The following CUX1 variants were observed in gnomAD, a reference collection of about 807,000 sequenced individuals.
The protein encoded by CUX1 is cut like homeobox 1.
A neutral mutation model predicts 158.8 loss-of-function variants in CUX1; 31 were observed. That is an observed-to-expected ratio of 0.20 (90% CI 0.15 to 0.26). The LOEUF (loss-of-function observed/expected upper bound fraction) is 0.26, where lower values mean the gene tolerates loss of function less well. Among genes scored for constraint, CUX1 ranks in the 10% least tolerant of loss-of-function variants. The pLI, the probability that CUX1 is intolerant of heterozygous loss-of-function variation, is 1.00. For missense variants in CUX1, 1,589 were observed against 2,014.6 expected (o/e 0.79, Z 4.04); for synonymous variants, 879 against 862.1 (o/e 1.02, Z -0.34).
intron 3 of CUX1, among the ~76,000 whole-genome samples, chr7:102,043,323 CTGTGTGTGTGTGTGTGTGTGTGTG>C (rs57276921): frequency 7.2e-6 from 1 of 139,068 alleles, no homozygotes; most frequent in South Asian, 2.6e-4. Context: ...CATTAGCTCA[CTGTGTGTGTGTGTGTGTGTGTGTG>C]TGTGTGTGTG....
intron 20 of CUX1, among the ~76,000 whole-genome samples, chr7:102,226,450 G>T (rs1197753121): frequency 6.6e-6 from 1 of 152,082 alleles, no homozygotes; most frequent in African/African-American, 2.4e-5. Context: ...AAACAGCTGG[G>T]CATGGTGGTG....
At chr7:102,009,214 C>G (rs147536708) in intron 2 of CUX1, among the ~76,000 whole-genome samples, 1 of 152,160 alleles carries the variant, frequency 6.6e-6, no homozygotes, top group East Asian at 1.9e-4. Flanking sequence ...CCTATTTACA[C>G]GACAGGGATG....
At chr7:102,075,858 C>T (rs561693591) in intron 4 of CUX1, among the ~76,000 whole-genome samples, 39 of 152,254 alleles carry the variant, frequency 2.6e-4, no homozygotes, top group African/African-American at 8.4e-4. Flanking sequence ...TCGGAGTTGC[C>T]CAAACCAGCA....
intron 2 of CUX1, among the ~76,000 whole-genome samples, chr7:102,025,634 G>GAA (rs71517202): frequency 2.7e-5 from 4 of 148,796 alleles, no homozygotes; most frequent in Non-Finnish European, 3.0e-5. Flanking sequence ...TCTTAGGTGG[G>GAA]AAAAAAAAAA....
At chr7:102,014,102 A>G (rs531441936) in intron 2 of CUX1, among the ~76,000 whole-genome samples, 5 of 152,270 alleles carry the variant, frequency 3.3e-5, no homozygotes, top group African/African-American at 1.2e-4. Flanking sequence ...TGTATCCTTC[A>G]GGTCCAAGCA....
intron 2 of CUX1, among the ~76,000 whole-genome samples, chr7:102,005,641 C>G (rs1817261833): frequency 6.6e-6 from 1 of 152,158 alleles, no homozygotes; most frequent in Admixed American, 6.6e-5. Flanking sequence ...TGGCCTCTTT[C>G]TTCTTGAGGC....
chr7:102,022,335 C>G (rs989528873), intron 2 of CUX1, among the ~76,000 whole-genome samples: 4 of 151,946 alleles, frequency 2.6e-5, no homozygotes, highest in Non-Finnish European at 5.9e-5. Context: ...AATGGAAATA[C>G]GGCCAGACAC....
At chr7:102,111,573 G>A (rs1390090995) in intron 6 of CUX1, 125 bp from the exon 7 acceptor site, 3 of 807,802 alleles carry the variant, frequency 3.7e-6, no homozygotes, top group East Asian at 2.6e-5. Flanking sequence ...CGTTGCGGGC[G>A]ATACCCCGTG....
intron 2 of CUX1, among the ~76,000 whole-genome samples, chr7:101,957,115 T>C (rs1809875845): frequency 6.6e-6 from 1 of 152,232 alleles, no homozygotes; most frequent in Non-Finnish European, 1.5e-5. Flanking sequence ...TAACTGATAT[T>C]GTTTCCCAAG....
At chr7:101,880,071 G>A (rs917575005) in intron 1 of CUX1, among the ~76,000 whole-genome samples, 1 of 55,550 alleles carries the variant, frequency 1.8e-5, no homozygotes, top group Non-Finnish European at 3.6e-5. Flanking sequence ...TACAGGAAAA[G>A]GCTGATTTTT....
chr7:102,120,888 A>AC lies in CUX1; in HGVS notation c.674+5619dup, dbSNP rs1310334496. ...AGACCAGCCTGGGCAACATAGTGAG[A>AC]CCCCACCTCTACCAAAAAATACAAA... On this transcript the variant is annotated intron_variant, in intron 8 of 23. Transcript: ENST00000292535. Among the ~76,000 whole-genome samples the AC allele has an allele frequency of 3.3e-5, 5 of 152,150 alleles. No individual in the cohort carries two copies. The South Asian group carries it at 8.3e-4, about 25-fold the overall frequency.
intron 2 of CUX1, among the ~76,000 whole-genome samples, chr7:102,003,295 AAC>A (rs56760446): frequency 0.019 from 2,554 of 131,862 alleles, 57 homozygotes; most frequent in African/African-American, 0.059. Flanking sequence ...CCTGGTGCCG[AAC>A]ACACACACAC....
At chr7:101,930,374 C>T (rs1806151709) in intron 2 of CUX1, among the ~76,000 whole-genome samples, 1 of 152,132 alleles carries the variant, frequency 6.6e-6, no homozygotes, top group African/African-American at 2.4e-5. Flanking sequence ...TAAGCCAAAG[C>T]GTGGGAAAAT....
At chr7:101,945,453 A>G (rs1029524432) in intron 2 of CUX1, among the ~76,000 whole-genome samples, 2 of 152,102 alleles carry the variant, frequency 1.3e-5, no homozygotes, top group African/African-American at 4.8e-5. Context: ...GAGTTAATTT[A>G]TTGTTATTTA....
At chr7:102,115,748 C>A (rs543286604) in intron 8 of CUX1, 1 of 153,244 alleles carries the variant, frequency 6.5e-6, no homozygotes, top group East Asian at 1.9e-4. Context: ...GGCAGAGTCA[C>A]AAAAGGCCAA....
chr7:102,062,754 G>A (rs985294180), intron 3 of CUX1, among the ~76,000 whole-genome samples: 45 of 152,152 alleles, frequency 3.0e-4, no homozygotes, highest in African/African-American at 9.1e-4. Flanking sequence ...TCCCACCTTG[G>A]CCTCCCAAAG....
chr7:102,282,732 G>A lies in CUX1; in HGVS notation c.1923G>A (p.Trp641Ter). 4 of 1,613,610 alleles carry A rather than the reference G, an allele frequency of 2.5e-6. No homozygotes were observed. Among genetic ancestry groups the A allele is most frequent in the Non-Finnish European group, 3.4e-6 (4 of 1,179,822 alleles). The change falls in exon 22 of 23, where the codon TGG (tryptophan) becomes TGA (stop). Residue 641 changes from tryptophan to a stop codon, truncating the protein, a stop_gained. Coordinates refer to the CUX1 transcript ENST00000292538. LOFTEE classifies it high-confidence loss of function. ...GCCAGGTGCTCTACAAGCTGGCATG[G>A]AGCGAGAGCATGGAGAGGGACTGTG... is the stretch of plus-strand genomic sequence containing the variant.
chr7:102,016,049 A>G (rs1818545945), intron 2 of CUX1, among the ~76,000 whole-genome samples: 2 of 152,064 alleles, frequency 1.3e-5, no homozygotes, highest in Admixed American at 1.3e-4. Flanking sequence ...TCCTAGGCTC[A>G]AGCGATCCTC....
chr7:102,165,352 T>G (rs1379954507), intron 9 of CUX1, among the ~76,000 whole-genome samples: 2 of 53,308 alleles, frequency 3.8e-5, no homozygotes, highest in Admixed American at 3.1e-4. Context: ...GGGGAAAGCT[T>G]TTTTTTTTTT....
Sources: allele counts gnomAD v4.1 joint callset (sites outside exome capture counted in the v4.1 genomes callset), GRCh38; gene constraint gnomAD v4.1.1; transcripts MANE v1.5; gene names NCBI Gene and HGNC (gene_info 2026-07-23, HGNC 2026-07-21).